Variants in GRIK1 observed in about 807,000 individuals in gnomAD.
The protein encoded by GRIK1 is glutamate receptor ionotropic, kainate 1.
A neutral mutation model predicts 105.7 loss-of-function variants in GRIK1; 69 were observed. That is an observed-to-expected ratio of 0.65 (90% CI 0.54 to 0.80). The LOEUF (loss-of-function observed/expected upper bound fraction) is 0.80, where lower values mean the gene tolerates loss of function less well. Among genes scored for constraint, GRIK1 ranks in the 30% least tolerant of loss-of-function variants. GRIK1 has a pLI of 0.00. For missense variants in GRIK1, 1,109 were observed against 1,167.3 expected, an observed-to-expected ratio of 0.95 and a Z score of 0.73; for synonymous variants, 438 against 431.3, an observed-to-expected ratio of 1.02 and a Z score of -0.19.
At chr21:29,771,804 T>C (rs772115768) in intron 1 of GRIK1, among the ~76,000 whole-genome samples, 2 of 152,240 alleles carry the variant, frequency 1.3e-5, no homozygotes, top group African/African-American at 2.4e-5. Flanking sequence ...ACTGCTGTAT[T>C]GCCAGCTGGC....
chr21:29,830,374 T>A (rs1165709918), intron 1 of GRIK1, among the ~76,000 whole-genome samples: 1 of 144,766 alleles, frequency 6.9e-6, no homozygotes, highest in Non-Finnish European at 1.5e-5. Context: ...CACACACATA[T>A]TCTTATACAA....
intron 7 of GRIK1, among the ~76,000 whole-genome samples, chr21:29,633,876 A>AT (rs979761849): frequency 2.7e-4 from 41 of 152,178 alleles, no homozygotes; most frequent in African/African-American, 9.6e-4. Context: ...AGAAATGGAA[A>AT]TTTTTTCTGA....
intron 1 of GRIK1, among the ~76,000 whole-genome samples, chr21:29,905,943 T>G (rs1048182582): frequency 7.4e-6 from 1 of 135,896 alleles, no homozygotes; most frequent in Admixed American, 7.1e-5. Context: ...CTTGTTTTTT[T>G]TGTTTGTTTG....
intron 15 of GRIK1, among the ~76,000 whole-genome samples, chr21:29,560,367 TCC>T (rs1483046557): frequency 0.014 from 388 of 27,734 alleles, 10 homozygotes; most frequent in Non-Finnish European, 0.017. Context: ...TTTTCTTTCT[TCC>T]TTCCTTCCTT....
intron 1 of GRIK1, among the ~76,000 whole-genome samples, chr21:29,831,722 G>A (rs2067647301): frequency 6.6e-6 from 1 of 152,004 alleles, no homozygotes; most frequent in South Asian, 2.1e-4. Flanking sequence ...CAACACCAAG[G>A]ATAAAAATTC....
chr21:29,543,489 GA>G (rs2090002860), intron 16 of GRIK1, among the ~76,000 whole-genome samples: 1 of 152,118 alleles, frequency 6.6e-6, no homozygotes, highest in Non-Finnish European at 1.5e-5. Context: ...ACCCTTGTGG[GA>G]AGTTTTTGCA....
chr21:29,891,756 A>C (rs1377787993), intron 1 of GRIK1, among the ~76,000 whole-genome samples: 1 of 152,180 alleles, frequency 6.6e-6, no homozygotes, highest in African/African-American at 2.4e-5. Context: ...AAAATATAAA[A>C]ATTTTTTCAG....
At chr21:29,658,118 T>C (rs1013098118) in intron 4 of GRIK1, among the ~76,000 whole-genome samples, 1 of 152,126 alleles carries the variant, frequency 6.6e-6, no homozygotes, top group African/African-American at 2.4e-5. Flanking sequence ...ATTGTCACAA[T>C]TAATTTTTTT....
intron 15 of GRIK1, 118 bp from the exon 16 acceptor site, chr21:29,555,420 C>A: frequency 2.2e-6 from 2 of 895,186 alleles, no homozygotes; most frequent in Admixed American, 4.4e-5. Flanking sequence ...CCCCAATCCA[C>A]AAATTGACTT....
At chr21:29,563,196 T>C (rs974719831) in intron 14 of GRIK1, among the ~76,000 whole-genome samples, 2 of 152,294 alleles carry the variant, frequency 1.3e-5, no homozygotes, top group Admixed American at 1.3e-4. Flanking sequence ...CAGGAAAGCT[T>C]AAAACATGGT....
chr21:29,595,879 A>G (rs949836438), intron 9 of GRIK1, among the ~76,000 whole-genome samples: 2 of 152,224 alleles, frequency 1.3e-5, no homozygotes, highest in East Asian at 3.8e-4. Flanking sequence ...GCACTGTATA[A>G]TAAACTATAA....
At chr21:29,773,402 G>A (rs966984356) in intron 1 of GRIK1, among the ~76,000 whole-genome samples, 3 of 152,150 alleles carry the variant, frequency 2.0e-5, no homozygotes, top group Non-Finnish European at 2.9e-5. Context: ...ACCTATGTTA[G>A]GTAATCGGCA....
At chr21:29,691,933 G>A (rs1373593507) in intron 2 of GRIK1, among the ~76,000 whole-genome samples, 1 of 152,128 alleles carries the variant, frequency 6.6e-6, no homozygotes, top group Admixed American at 6.5e-5. Context: ...ATTATGTGCT[G>A]GAAGTGTAAA....
intron 1 of GRIK1, among the ~76,000 whole-genome samples, chr21:29,806,410 A>C (rs78376824): frequency 6.6e-6 from 1 of 152,198 alleles, no homozygotes; most frequent in African/African-American, 2.4e-5. Context: ...ATTCAGAATC[A>C]TTCCTCTGCG....
intron 15 of GRIK1, among the ~76,000 whole-genome samples, chr21:29,560,391 TCC>T (rs1568814027): frequency 0.041 from 3,884 of 94,466 alleles, 779 homozygotes; most frequent in Non-Finnish European, 0.052. Context: ...CTTCCTTCCT[TCC>T]TTCCTTCCTT....
intron 14 of GRIK1, among the ~76,000 whole-genome samples, chr21:29,566,016 G>T (rs2090604647): frequency 6.6e-6 from 1 of 152,178 alleles, no homozygotes; most frequent in Non-Finnish European, 1.5e-5. Flanking sequence ...AGATAAAAAA[G>T]TAGAATGTTG....
chr21:29,664,615 CA>C (rs549480994), intron 4 of GRIK1, among the ~76,000 whole-genome samples: 78 of 142,640 alleles, frequency 5.5e-4, no homozygotes, highest in South Asian at 1.3e-3. Flanking sequence ...CTCTACGGGC[CA>C]AAAAAAAAAA....
intron 7 of GRIK1, among the ~76,000 whole-genome samples, chr21:29,616,288 TGTCC>T (rs2061849691): frequency 6.6e-6 from 1 of 152,220 alleles, no homozygotes; most frequent in Non-Finnish European, 1.5e-5. Context: ...GGTACTCTCT[TGTCC>T]ATCAAGCAAA....
chr21:29,640,328 T>C (rs933022806), intron 7 of GRIK1, among the ~76,000 whole-genome samples: 5 of 152,194 alleles, frequency 3.3e-5, no homozygotes, highest in African/African-American at 1.2e-4. Context: ...ATTTCCTCAG[T>C]GCCAGTCCTC....
Sources: gnomAD v4.1 joint callset for allele counts (sites outside exome capture counted in the v4.1 genomes callset) on GRCh38, gnomAD v4.1.1 for gene constraint, MANE v1.5 for transcripts, NCBI Gene and HGNC (gene_info 2026-07-23, HGNC 2026-07-21) for gene names.